UBE2E2: variants seen among roughly 807,000 people sequenced by gnomAD.
The protein encoded by UBE2E2 is ubiquitin conjugating enzyme E2 E2, also known as ubiquitin-conjugating enzyme E2 E2.
A neutral mutation model predicts 24.7 loss-of-function variants in UBE2E2; 6 were observed. The ratio of observed to expected loss-of-function variants is 0.24; its 90% confidence interval spans 0.13 to 0.48. The LOEUF is 0.48. Among genes scored for constraint, UBE2E2 ranks in the 20% least tolerant of loss-of-function variants. UBE2E2 has a pLI of 0.99. For synonymous variants in UBE2E2, 104 were observed against 83.6 expected, an observed-to-expected ratio of 1.24 and a Z score of -1.33; for missense variants, 169 against 245.0, an observed-to-expected ratio of 0.69 and a Z score of 2.07.
At chr3:23,273,024 T>C (rs139186757) in intron 3 of UBE2E2, among the ~76,000 whole-genome samples, 1 of 152,302 alleles carries the variant, frequency 6.6e-6, no homozygotes, top group African/African-American at 2.4e-5. Context: ...GAGGGCAATT[T>C]GCTTCCAATT....
chr3:23,572,263 G>A (rs1696246862), intron 5 of UBE2E2, among the ~76,000 whole-genome samples: 1 of 152,112 alleles, frequency 6.6e-6, no homozygotes, highest in Non-Finnish European at 1.5e-5. Flanking sequence ...CCTATAATTA[G>A]TAGTCAGGTT....
chr3:23,575,735 A>C (rs1238604679), intron 5 of UBE2E2, among the ~76,000 whole-genome samples: 1 of 152,206 alleles, frequency 6.6e-6, no homozygotes, highest in East Asian at 1.9e-4. Flanking sequence ...TTTAAAATGT[A>C]TACAGTGGTC....
chr3:23,379,405 C>T (rs1696607381), intron 3 of UBE2E2, among the ~76,000 whole-genome samples: 1 of 140,318 alleles, frequency 7.1e-6, no homozygotes, highest in Admixed American at 7.2e-5. Flanking sequence ...TCCCCCGACC[C>T]CACAACAGTC....
chr3:23,241,742 A>G (rs1224804082), intron 3 of UBE2E2, among the ~76,000 whole-genome samples: 1 of 152,128 alleles, frequency 6.6e-6, no homozygotes, highest in African/African-American at 2.4e-5. Flanking sequence ...TCCCATTAGA[A>G]TGTGAATATC....
Position 23,478,449 on chromosome 3 carries a change from C to G in UBE2E2, c.228-21159C>G, listed in dbSNP as rs1030213217. On this transcript the variant is annotated intron_variant, in intron 3 of 5. Coordinates refer to ENST00000396703, the MANE Select transcript of UBE2E2 (RefSeq NM_152653.4). ...AGTGATAGAAGAGGATAGTGATATTCAAAAGAAATAAGACTAAGTACAAAT... is the reference window on the plus strand; with the variant it reads ...AGTGATAGAAGAGGATAGTGATATTGAAAAGAAATAAGACTAAGTACAAAT... 2.0e-5 allele frequency among the ~76,000 whole-genome samples: 3 copies of G among 152,214 alleles called. No homozygotes were observed. The East Asian group carries it at 5.8e-4, about 29-fold the overall frequency.
chr3:23,417,526 G>A (rs150585726), intron 3 of UBE2E2, among the ~76,000 whole-genome samples: 1 of 152,324 alleles, frequency 6.6e-6, no homozygotes, highest in East Asian at 1.9e-4. Flanking sequence ...AGGCATGGGG[G>A]TTGGGTCAGG....
intron 3 of UBE2E2, among the ~76,000 whole-genome samples, chr3:23,401,085 C>T (rs1010164446): frequency 6.6e-6 from 1 of 152,160 alleles, no homozygotes; most frequent in Non-Finnish European, 1.5e-5. Context: ...TATATTTAAG[C>T]TATGGGCTTG....
chr3:23,264,317 C>T (rs1697983809), intron 3 of UBE2E2, among the ~76,000 whole-genome samples: 1 of 149,602 alleles, frequency 6.7e-6, no homozygotes, highest in Non-Finnish European at 1.5e-5. Context: ...GTGAGTTTGA[C>T]TCTGAATTTT....
chr3:23,355,947 A>G (rs953345856), intron 3 of UBE2E2, among the ~76,000 whole-genome samples: 1 of 152,200 alleles, frequency 6.6e-6, no homozygotes, highest in African/African-American at 2.4e-5. Context: ...AGATCCTGCC[A>G]TTTCTTGTTT....
intron 3 of UBE2E2, among the ~76,000 whole-genome samples, chr3:23,454,889 A>T (rs541518021): frequency 1.3e-5 from 2 of 152,108 alleles, no homozygotes; most frequent in Non-Finnish European, 2.9e-5. Context: ...AATGTTAGGA[A>T]TTTTTTTTGT....
chr3:23,282,959 C>G (rs775889982), intron 3 of UBE2E2, among the ~76,000 whole-genome samples: 2 of 151,920 alleles, frequency 1.3e-5, no homozygotes, highest in African/African-American at 4.8e-5. Context: ...ATGGAGAGCA[C>G]TAAAATTCAT....
intron 3 of UBE2E2, among the ~76,000 whole-genome samples, chr3:23,353,823 A>G (rs1408202421): frequency 1.3e-5 from 2 of 152,340 alleles, no homozygotes; most frequent in East Asian, 1.9e-4. Context: ...AAGGTAATTT[A>G]TAGATTCAAT....
At chr3:23,468,783 A>G (rs1473057419) in intron 3 of UBE2E2, among the ~76,000 whole-genome samples, 2 of 152,206 alleles carry the variant, frequency 1.3e-5, no homozygotes, top group African/African-American at 4.8e-5. Context: ...CATCTTCTTG[A>G]ACAAGTCATG....
At chr3:23,217,155 A>C in intron 2 of UBE2E2, 107 bp from the exon 3 acceptor site, 1 of 1,083,266 alleles carries the variant, frequency 9.2e-7, no homozygotes, top group Non-Finnish European at 1.4e-6. Flanking sequence ...TAGTATTTCA[A>C]ACTAATATAC....
chr3:23,241,524 C>G (rs1424032118), intron 3 of UBE2E2, among the ~76,000 whole-genome samples: 1 of 152,026 alleles, frequency 6.6e-6, no homozygotes, highest in African/African-American at 2.4e-5. Flanking sequence ...TGGCCTCTTC[C>G]CTGTCCCTCA....
At chr3:23,302,189 A>T (rs570353827) in intron 3 of UBE2E2, among the ~76,000 whole-genome samples, 2 of 152,058 alleles carry the variant, frequency 1.3e-5, no homozygotes, top group Non-Finnish European at 2.9e-5. Flanking sequence ...GTCTGTTTTC[A>T]ACAAAATTCT....
At chr3:23,295,627 C>T (rs749081109) in intron 3 of UBE2E2, among the ~76,000 whole-genome samples, 5 of 152,066 alleles carry the variant, frequency 3.3e-5, no homozygotes, top group African/African-American at 7.2e-5. Context: ...TTTCGAATAT[C>T]GGTGGCTAGT....
intron 3 of UBE2E2, among the ~76,000 whole-genome samples, chr3:23,350,702 T>A (rs369485052): frequency 1.3e-5 from 2 of 151,928 alleles, no homozygotes; most frequent in Non-Finnish European, 2.9e-5. Context: ...AATAAAAAGA[T>A]ATGAACAAAG....
intron 5 of UBE2E2, among the ~76,000 whole-genome samples, chr3:23,555,361 A>G (rs1231853665): frequency 6.6e-6 from 1 of 152,234 alleles, no homozygotes; most frequent in Non-Finnish European, 1.5e-5. Flanking sequence ...GGCTGTTACC[A>G]AAGAGACGAG....
Sources: allele counts gnomAD v4.1 joint callset (sites outside exome capture counted in the v4.1 genomes callset), GRCh38; gene constraint gnomAD v4.1.1; transcripts MANE v1.5; gene names NCBI Gene and HGNC (gene_info 2026-07-23, HGNC 2026-07-21).